The following USP11 variants were observed in gnomAD, a reference collection of about 807,000 sequenced individuals.
USP11 encodes the protein ubiquitin carboxyl-terminal hydrolase 11.
A neutral mutation model predicts 72.8 loss-of-function variants in USP11; 5 were observed. The ratio of observed to expected loss-of-function variants is 0.07; its 90% CI spans 0.04 to 0.14. The LOEUF (loss-of-function observed/expected upper bound fraction) is 0.14, where lower values mean the gene tolerates loss of function less well. USP11 is among the 10% of genes least tolerant of loss of function. USP11 has a pLI of 1.00. For missense variants in USP11, 480 were observed against 794.7 expected, an observed-to-expected ratio of 0.60 and a Z score of 4.76; for synonymous variants, 368 against 326.5, an observed-to-expected ratio of 1.13 and a Z score of -1.37.
chrX:47,238,214 G>A (rs2055384063), intron 1 of USP11, among the ~76,000 whole-genome samples: 1 of 99,620 alleles, frequency 1.0e-5, no homozygotes, highest in South Asian at 4.9e-4. Context: ...TTTTGAGATG[G>A]AGTCACTCTG....
rs143742824 is a variant in USP11, at chrX:47,247,359, C to A, written c.2476C>A (p.Leu826Met). 2.6e-5 allele frequency: 32 copies of A among 1,209,275 alleles called. No individual in the cohort carries two copies. Among genetic ancestry groups the A allele is most frequent in the Non-Finnish European group, 3.2e-5 (29 of 895,088 alleles). Reference sequence around the variant, plus strand: ...GCCACAGAATGAGTCGAATCCGGAGCTGTACAAATATGACCTCATCGCGGT... The same window carrying A: ...GCCACAGAATGAGTCGAATCCGGAGATGTACAAATATGACCTCATCGCGGT... ...IQPQNESNPE[L>M]YKYDLIAVSN... Residue 826 changes from leucine to methionine, a missense_variant, in exon 19 of 21, where the codon CTG (leucine) becomes ATG (methionine). Around this residue, in one of 5 missense-constraint regions of USP11, gnomAD observed 314 missense variants for 556.0 expected, o/e 0.56. Transcript: ENST00000377107.
chrX:47,237,736 G>A (rs149403316), intron 1 of USP11, among the ~76,000 whole-genome samples: 6 of 109,954 alleles, frequency 5.5e-5, no homozygotes, highest in African/African-American at 2.0e-4. Context: ...TCAGTATTTG[G>A]GATAGCCTTT....
chrX:47,238,710 T>C (rs1027580960), intron 1 of USP11, among the ~76,000 whole-genome samples: 1 of 110,832 alleles, frequency 9.0e-6, no homozygotes, highest in Admixed American at 9.6e-5. Flanking sequence ...ATGGCACATA[T>C]CTTGAGCCTA....
chrX:47,247,501 G>A, intron 19 of USP11, 82 bp downstream of exon 19: 1 of 1,161,102 alleles, frequency 8.6e-7, no homozygotes, highest in South Asian at 1.8e-5. Context: ...GAGTGACTAG[G>A]GATGTGAGCC....
Position 47,247,293 on chromosome X carries a change from C to T in USP11, c.2421-11C>T. On this transcript the variant is annotated splice_polypyrimidine_tract_variant and intron_variant, in intron 18 of 20. Coordinates refer to ENST00000377107, the MANE Select transcript of USP11 (RefSeq NM_001371072.1). ...GGGGTGTACCAGTATTAACCCTCTCCCCACCCACAGGGACCTGGACTTCTC... is the reference window on the plus strand; with the variant it reads ...GGGGTGTACCAGTATTAACCCTCTCTCCACCCACAGGGACCTGGACTTCTC... 2 of 1,211,399 alleles carry T rather than the reference C, an allele frequency of 1.7e-6. No homozygotes were observed. The highest frequency in any genetic ancestry group is 1.7e-5 in the African/African-American group (1 of 57,773).
chrX:47,238,269 C>G (rs2055384515), intron 1 of USP11, among the ~76,000 whole-genome samples: 1 of 103,665 alleles, frequency 9.6e-6, no homozygotes, highest in South Asian at 4.4e-4. Flanking sequence ...CTCACTGCAA[C>G]CTCTGCCTCC....
In USP11 at chrX:47,245,161, C is replaced by A. The variant is rs947614207; in HGVS notation, c.2157+75C>A. On this transcript the variant is annotated intron_variant, in intron 16 of 20. Coordinates refer to ENST00000377107, the MANE Select transcript of USP11 (RefSeq NM_001371072.1). ...CTCTTCGTACATCCTCCCCACAACT[C>A]CTCTAGCTGGGAACAGAGCCAAGAG... The A allele has an allele frequency of 2.7e-5, 31 of 1,130,779 alleles. No individual in the cohort carries two copies. In the African/African-American group the frequency reaches 4.3e-4, roughly 16 times the overall value. The allele number at this position is 1,130,779 out of a possible 1,213,427, so 93.2% of individuals were successfully genotyped here. A position where few individuals can be genotyped will look rare whatever the true frequency, so the allele number is the denominator to read the frequency against.
In USP11 at chrX:47,242,119, G is replaced by A. The variant is rs752282546; in HGVS notation, c.1217G>A (p.Arg406Gln). The A allele has an allele frequency of 1.7e-6, 2 of 1,210,865 alleles. No homozygotes were observed. The highest frequency in any genetic ancestry group is 3.0e-5 in the East Asian group (1 of 33,811). Residue 406 changes from arginine to glutamine, a missense_variant, in exon 10 of 21, where the codon CGG becomes CAG. Coordinates refer to ENST00000377107, the MANE Select transcript of USP11 (RefSeq NM_001371072.1). Reference protein sequence around the residue: ...AQEAWQNHKRRNDSVIVDTFH... With the variant: ...AQEAWQNHKRQNDSVIVDTFH... Reference sequence around the variant, plus strand: ...GAGGCATGGCAAAACCACAAACGGCGGAACGATTCTGTGATCGTGGACACT... The same window carrying A: ...GAGGCATGGCAAAACCACAAACGGCAGAACGATTCTGTGATCGTGGACACT...
Position 47,242,607 on chromosome X carries a change from C to T in USP11, c.1489-19C>T, listed in dbSNP as rs373401236. On this transcript the variant is annotated intron_variant, in intron 11 of 20. Transcript: ENST00000377107. ...AGGCCGTGCAGACTAACAGTCCCCT[C>T]TCCATATCCCATTCCTAGATGATGG... is the stretch of plus-strand genomic sequence containing the variant. 1.7e-5 allele frequency: 20 copies of T among 1,204,502 alleles called. No homozygotes were observed. The African/African-American group carries it at 2.5e-4, about 15-fold the overall frequency.
chrX:47,238,393 A>C (rs954876024), intron 1 of USP11, among the ~76,000 whole-genome samples: 3 of 108,367 alleles, frequency 2.8e-5, no homozygotes, highest in Non-Finnish European at 5.7e-5. Flanking sequence ...TCACCATGTC[A>C]GCCAGGCTGG....
intron 1 of USP11, among the ~76,000 whole-genome samples, chrX:47,237,786 A>ATG (rs763902030): frequency 0.11 from 4,367 of 38,207 alleles, 104 homozygotes; most frequent in Non-Finnish European, 0.25. Context: ...GTGTGTGTGT[A>ATG]TGTGTGTGTG....
At position 47,248,055 on chromosome X, in the gene USP11, G is replaced by A. The variant is rs760593915; in HGVS notation, c.*125G>A. On this transcript the variant is annotated 3_prime_UTR_variant, in exon 21 of 21. Coordinates refer to ENST00000377107, the MANE Select transcript of USP11 (RefSeq NM_001371072.1). Reference sequence around the variant, plus strand: ...CGCCAGGCATTGCAGGCTTAGTCGTGGCTACTGTTCTCCTGTGCCGCTGCA... The same window carrying A: ...CGCCAGGCATTGCAGGCTTAGTCGTAGCTACTGTTCTCCTGTGCCGCTGCA... 6.1e-6 allele frequency: 6 copies of A among 989,591 alleles called. No homozygotes were observed. The East Asian group carries it at 1.3e-4, about 22-fold the overall frequency. The allele number at this position is 989,591 out of a possible 1,213,427, so 81.6% of individuals were successfully genotyped here.
At chrX:47,244,992 T>C in intron 15 of USP11, 24 bp from the exon 16 acceptor site, 2 of 1,211,518 alleles carry the variant, frequency 1.7e-6, no homozygotes, top group Non-Finnish European at 2.2e-6. Context: ...GCAGGATCCA[T>C]GACCACCTCT....
At chrX:47,241,183 CCT>C (rs1404323077) in intron 7 of USP11, 92 bp from the exon 8 acceptor site, 5 of 965,872 alleles carry the variant, frequency 5.2e-6, no homozygotes, top group Non-Finnish European at 4.2e-6. Context: ...CTCTTGTTTT[CCT>C]CTCTCTTTCC....
At chrX:47,241,977 G>T in intron 9 of USP11, 105 bp from the exon 10 acceptor site, 1 of 894,280 alleles carries the variant, frequency 1.1e-6, no homozygotes. Context: ...TCTGCCTCTG[G>T]ACTTTAGCAG....
intron 9 of USP11, 119 bp from the exon 10 acceptor site, chrX:47,241,963 G>A: frequency 1.2e-6 from 1 of 825,303 alleles, no homozygotes; most frequent in East Asian, 3.4e-5. Flanking sequence ...TCCCTAGCTG[G>A]AGCTCTGCCT....
chrX:47,239,503 CA>C, intron 3 of USP11, 22 bp downstream of exon 3: 1 of 1,209,184 alleles, frequency 8.3e-7, no homozygotes, highest in Non-Finnish European at 1.1e-6. Flanking sequence ...GGGGAGGGTG[CA>C]TGGCGGGGAG....
In USP11 at chrX:47,247,052, G is replaced by A. The variant is rs757445740; in HGVS notation, c.2271-20G>A. 8.5e-7 allele frequency: 1 copy of A among 1,178,987 alleles called. No individual in the cohort carries two copies. Among genetic ancestry groups the A allele is most frequent in the South Asian group, 1.9e-5 (1 of 52,919 alleles). ...AAAAAAAAGAAAAAGTCCGTTTGCT[G>A]ACTCGGGCTCTGTCTGTAGGTACTG... On this transcript the variant is annotated intron_variant, in intron 17 of 20. Coordinates refer to ENST00000377107, the MANE Select transcript of USP11 (RefSeq NM_001371072.1).
intron 1 of USP11, 190 bp downstream of exon 1, chrX:47,233,409 C>T: frequency 1.9e-6 from 2 of 1,076,730 alleles, no homozygotes; most frequent in Non-Finnish European, 2.4e-6. Flanking sequence ...GGAAAAGGGG[C>T]GGGGCCTGTG....
Sources: gnomAD v4.1 joint callset for allele counts (sites outside exome capture counted in the v4.1 genomes callset) on GRCh38, gnomAD v4.1.1 for gene constraint, gnomAD v4.1.1 regional missense constraint, MANE v1.5 for transcripts, NCBI Gene and HGNC (gene_info 2026-07-23, HGNC 2026-07-21) for gene names.